RBFOX1: variants seen among roughly 807,000 people sequenced by gnomAD.
RBFOX1 encodes the protein RNA binding fox-1 homolog 1.
A neutral mutation model predicts 57.7 loss-of-function variants in RBFOX1; 8 were observed. That is an observed-to-expected ratio of 0.14 (90% CI 0.08 to 0.25). The LOEUF is 0.25. Among genes scored for constraint, RBFOX1 ranks in the 10% least tolerant of loss-of-function variants. RBFOX1 has a pLI of 1.00. For missense variants in RBFOX1, 611 were observed against 548.5 expected, an observed-to-expected ratio of 1.11 and a Z score of -1.14; for synonymous variants, 326 against 222.4, an observed-to-expected ratio of 1.47 and a Z score of -4.15.
In RBFOX1 at chr16:5,723,616, G is replaced by A. The variant is rs1421232999; in HGVS notation, c.318+124655G>A. On this transcript the variant is annotated intron_variant, in intron 3 of 19. Transcript: ENST00000641259. ...ACAGTGGTTGTCTCAGGCTTGGGCT[G>A]GATGGTGTCTGAGGTCTGATTTTGA... 2.0e-5 allele frequency among the ~76,000 whole-genome samples: 3 copies of A among 151,950 alleles called. 1 individual carries two copies. Among genetic ancestry groups the A allele is most frequent in the Admixed American group, 6.5e-5 (1 of 15,270 alleles).
At chr16:7,208,847 C>T (rs1267052769) in intron 4 of RBFOX1, among the ~76,000 whole-genome samples, 3 of 151,992 alleles carry the variant, frequency 2.0e-5, no homozygotes, top group East Asian at 3.9e-4. Flanking sequence ...TGTAAGCAAA[C>T]AGATAAACAG....
chr16:5,995,192 T>G (rs2060470190), intron 4 of RBFOX1, among the ~76,000 whole-genome samples: 1 of 152,260 alleles, frequency 6.6e-6, no homozygotes, highest in African/African-American at 2.4e-5. Context: ...ACCATTATTT[T>G]TATTTATTGA....
chr16:7,198,021 T>TTTTTTG (rs1257303388), intron 4 of RBFOX1, among the ~76,000 whole-genome samples: 6 of 144,112 alleles, frequency 4.2e-5, no homozygotes, highest in Admixed American at 2.1e-4. Flanking sequence ...TTTTTTTTTT[T>TTTTTTG]TTGAGACGGA....
intron 4 of RBFOX1, among the ~76,000 whole-genome samples, chr16:7,119,602 A>G (rs2066664883): frequency 6.6e-6 from 1 of 152,118 alleles, no homozygotes; most frequent in Non-Finnish European, 1.5e-5. Context: ...AAAACCACCC[A>G]GACATACAGG....
chr16:6,168,672 C>T (rs969924181), intron 1 of RBFOX1, among the ~76,000 whole-genome samples: 4 of 152,100 alleles, frequency 2.6e-5, no homozygotes, highest in African/African-American at 4.8e-5. Flanking sequence ...TGTGCTTTTT[C>T]TCTCACCTCT....
intron 3 of RBFOX1, among the ~76,000 whole-genome samples, chr16:7,033,069 G>C (rs954465182): frequency 6.6e-6 from 1 of 152,188 alleles, no homozygotes; most frequent in Admixed American, 6.5e-5. Flanking sequence ...CAGAAGGCAA[G>C]AAAGGAATGC....
chr16:5,975,926 T>C (rs566706252), intron 4 of RBFOX1, among the ~76,000 whole-genome samples: 2 of 152,236 alleles, frequency 1.3e-5, no homozygotes, highest in Non-Finnish European at 2.9e-5. Flanking sequence ...GGTGGATCAC[T>C]TGAGGTCAGA....
At chr16:6,935,638 A>G (rs1013394408) in intron 3 of RBFOX1, among the ~76,000 whole-genome samples, 2 of 152,182 alleles carry the variant, frequency 1.3e-5, no homozygotes, top group African/African-American at 4.8e-5. Context: ...TCCCCTACAT[A>G]CTTTGCTGAC....
chr16:7,596,585 CAT>C (rs374312521), intron 8 of RBFOX1, among the ~76,000 whole-genome samples: 2 of 151,254 alleles, frequency 1.3e-5, no homozygotes, highest in Non-Finnish European at 1.5e-5. Context: ...TATCTATATA[CAT>C]ATATATATAT....
intron 4 of RBFOX1, among the ~76,000 whole-genome samples, chr16:7,218,076 C>CGT (rs2092391785): frequency 1.5e-5 from 2 of 133,970 alleles, no homozygotes; most frequent in South Asian, 4.3e-4. Context: ...TGTGTGTGTG[C>CGT]GTCTGTGTGT....
chr16:7,693,317 A>G (rs1407347592), intron 14 of RBFOX1: 2 of 1,613,328 alleles, frequency 1.2e-6, no homozygotes, highest in Non-Finnish European at 1.7e-6. Context: ...TCTTCCAGAA[A>G]TCAGTTCGTC....
intron 3 of RBFOX1, among the ~76,000 whole-genome samples, chr16:5,816,863 T>G (rs537746538): frequency 6.6e-6 from 1 of 152,302 alleles, no homozygotes; most frequent in South Asian, 2.1e-4. Flanking sequence ...ATTATTTTAT[T>G]TTTAATTTTT....
chr16:5,368,871 A>G (rs2065790928), intron 1 of RBFOX1, among the ~76,000 whole-genome samples: 2 of 152,322 alleles, frequency 1.3e-5, no homozygotes, highest in Non-Finnish European at 2.9e-5. Context: ...CCCTCTGGCA[A>G]TGCATTCCAC....
intron 4 of RBFOX1, among the ~76,000 whole-genome samples, chr16:5,890,891 G>T (rs2058030577): frequency 6.6e-6 from 1 of 152,018 alleles, no homozygotes; most frequent in African/African-American, 2.4e-5. Context: ...AAACAGATGT[G>T]GGCTCTTGTC....
rs79280765 is a variant in RBFOX1, at chr16:5,575,672, G to A, written c.259-23230G>A. ...GCAGGAAAGTGCTACATTGTGTGGA[G>A]TGTGGACCTAACCAGTGAATAATCC... is the stretch of plus-strand genomic sequence containing the variant. On this transcript the variant is annotated intron_variant, in intron 2 of 2. Coordinates refer to the RBFOX1 transcript ENST00000585867. Among the ~76,000 whole-genome samples the A allele has an allele frequency of 8.6e-3, 1,316 of 152,324 alleles. 7 individuals carry two copies. The highest frequency in any genetic ancestry group is 0.037 in the Middle Eastern group (11 of 294).
At chr16:5,518,645 T>C (rs2043889671) in intron 2 of RBFOX1, among the ~76,000 whole-genome samples, 1 of 152,208 alleles carries the variant, frequency 6.6e-6, no homozygotes. Flanking sequence ...TAGTGGTTCA[T>C]ATTAGTGGGT....
At chr16:7,304,600 G>A (rs1256831915) in intron 4 of RBFOX1, 3 of 984,550 alleles carry the variant, frequency 3.0e-6, no homozygotes, top group South Asian at 4.7e-5. Flanking sequence ...GGGGGCTCCC[G>A]CGTTGCGATG....
chr16:5,409,451 T>A (rs1003013110), intron 1 of RBFOX1, among the ~76,000 whole-genome samples: 2 of 152,240 alleles, frequency 1.3e-5, no homozygotes, highest in Non-Finnish European at 2.9e-5. Context: ...AACAACAATG[T>A]CTTCTTGCAA....
At chr16:6,875,713 T>C (rs2061710310) in intron 3 of RBFOX1, among the ~76,000 whole-genome samples, 1 of 152,178 alleles carries the variant, frequency 6.6e-6, no homozygotes, top group Non-Finnish European at 1.5e-5. Context: ...CCTAAATGAA[T>C]CAGCGCCACA....
Sources: allele counts gnomAD v4.1 joint callset (sites outside exome capture counted in the v4.1 genomes callset), GRCh38; gene constraint gnomAD v4.1.1; transcripts MANE v1.5; gene names NCBI Gene and HGNC (gene_info 2026-07-23, HGNC 2026-07-21).